Variants in DNMT1 observed in about 807,000 individuals in gnomAD.
The protein encoded by DNMT1 is DNA methyltransferase 1, also known as DNA (cytosine-5)-methyltransferase 1.
In DNMT1, 24 loss-of-function variants were observed where a neutral mutation model predicts 205.3. The ratio of observed to expected loss-of-function variants is 0.12; its 90% CI spans 0.08 to 0.16. DNMT1 has a LOEUF of 0.16. Ranked by LOEUF, DNMT1 falls within the 10% of genes least tolerant of loss-of-function variation. The probability of loss-of-function intolerance (pLI) is 1.00; values close to 1 mark genes in which losing one functional copy is unlikely to be tolerated. For synonymous variants in DNMT1, 817 were observed against 839.8 expected, an observed-to-expected ratio of 0.97 and a Z score of 0.47; for missense variants, 1,293 against 2,177.7, an observed-to-expected ratio of 0.59 and a Z score of 8.09.
At chr19:10,144,098 A>C in intron 28 of DNMT1, 111 bp from the exon 29 acceptor site, 8 of 1,097,964 alleles carry the variant, frequency 7.3e-6, no homozygotes, top group Non-Finnish European at 1.1e-5. Context: ...TGATGAATTA[A>C]GGTAGGTGTG....
chr19:10,138,677 C>A lies in DNMT1; in HGVS notation c.3949-72G>T. 1.3e-6 allele frequency: 2 copies of A among 1,542,168 alleles called. No homozygotes were observed. The highest frequency in any genetic ancestry group is 1.7e-6 in the Non-Finnish European group (2 of 1,148,656). ...CAACTGGACTGGCCAGACCCAGGCC[C>A]AGGGTCAGCAGCCTGAGTCGGGAGT... On this transcript the variant is annotated intron_variant, in intron 34 of 40. Coordinates refer to ENST00000359526, the MANE Select transcript of DNMT1 (RefSeq NM_001130823.3). This position sits in a 1 kb window ranked among gnomAD's most constrained non-coding sequence, Gnocchi z 4.1.
At chr19:10,144,226 G>T (rs569980956) in intron 28 of DNMT1, 2 of 502,516 alleles carry the variant, frequency 4.0e-6, no homozygotes, top group Non-Finnish European at 7.3e-6. Context: ...TGGCCAACAC[G>T]GTAAAACCCT....
chr19:10,194,799 G>A (rs766417524), intron 1 of DNMT1, 21 bp downstream of exon 1: 1 of 1,610,386 alleles, frequency 6.2e-7, no homozygotes, highest in Non-Finnish European at 8.5e-7. Flanking sequence ...CTGAGTCCGT[G>A]TTCCCCCCCA....
Position 10,155,001 on chromosome 19 carries a change from C to A in DNMT1, c.1548G>T (p.Gly516=). 1 of 1,614,070 alleles carries A rather than the reference C, an allele frequency of 6.2e-7. No individual in the cohort carries two copies. The highest frequency in any genetic ancestry group is 8.5e-7 in the Non-Finnish European group (1 of 1,180,034). The change falls in exon 20 of 41, where the codon GGG becomes GGT. Residue 516 remains glycine, a synonymous_variant. Transcript: ENST00000359526. ...TGATGTAGATCTTCTCCTGCATCAG[C>A]CCAAATATGGGCGCATACTCGGGAC... The part of the protein sequence containing the change: ...DPSPEYAPIF[G]LMQEKIYISK...
intron 6 of DNMT1, among the ~76,000 whole-genome samples, chr19:10,176,948 T>C (rs572883686): frequency 2.0e-5 from 3 of 152,086 alleles, no homozygotes; most frequent in Non-Finnish European, 4.4e-5. Flanking sequence ...TCTAGAAATA[T>C]ACTAAACTAT....
chr19:10,145,247 C>T (rs957124911), intron 28 of DNMT1, among the ~76,000 whole-genome samples: 6 of 152,206 alleles, frequency 3.9e-5, no homozygotes, highest in East Asian at 3.8e-4. Context: ...GCCCCAAAGG[C>T]GTCTCTGTGC....
chr19:10,156,622 T>G lies in DNMT1; in HGVS notation c.1281-113A>C. The G allele has an allele frequency of 3.9e-6, 3 of 775,518 alleles. No homozygotes were observed. Among genetic ancestry groups the G allele is most frequent in the Non-Finnish European group, 6.7e-6 (3 of 445,558 alleles). 48.0% of individuals were successfully genotyped at this position (775,518 alleles called of 1,614,324 possible). Reference sequence around the variant, plus strand: ...AGAATGTACAAGTCTGACACTCTTTTTTTGTTTGTTTTTGAGACAGAGTCT... The same window carrying G: ...AGAATGTACAAGTCTGACACTCTTTGTTTGTTTGTTTTTGAGACAGAGTCT... On this transcript the variant is annotated intron_variant, in intron 17 of 40. Coordinates refer to ENST00000359526, the MANE Select transcript of DNMT1 (RefSeq NM_001130823.3). The surrounding 1 kb of genome is among the most constrained non-coding windows in gnomAD (Gnocchi z 4.2).
At chr19:10,145,770 G>A (rs2038185481) in intron 28 of DNMT1, among the ~76,000 whole-genome samples, 1 of 152,218 alleles carries the variant, frequency 6.6e-6, no homozygotes, top group Admixed American at 6.5e-5. Context: ...CTTGGGCAGA[G>A]GCAGAACTTG....
At chr19:10,193,576 C>A (rs1170550210) in intron 1 of DNMT1, among the ~76,000 whole-genome samples, 8 of 150,514 alleles carry the variant, frequency 5.3e-5, no homozygotes, top group Non-Finnish European at 1.2e-4. Flanking sequence ...GTTGCCCAGG[C>A]TGGTCTCAAA....
Position 10,137,182 on chromosome 19 carries a change from G to A in DNMT1, c.4392C>T (p.Asp1464=), listed in dbSNP as rs200416276. The part of the protein sequence containing the change: ...DLPNIEVRLS[D]GTMARKLRYT... ...ACCGCAGCTTCCTGGCCATGGTGCC[G>A]TCTGAGAGCCGCACCTCGATGTTGG... The change falls in exon 37 of 41, where the codon GAC becomes GAT. Residue 1464 remains aspartate, a synonymous_variant. Coordinates refer to ENST00000359526, the MANE Select transcript of DNMT1 (RefSeq NM_001130823.3). The surrounding 1 kb of genome is among the most constrained non-coding windows in gnomAD (Gnocchi z 6.4). The A allele has an allele frequency of 1.7e-5, 27 of 1,610,148 alleles. No individual in the cohort carries two copies. Among genetic ancestry groups the A allele is most frequent in the African/African-American group, 1.1e-4 (8 of 75,040 alleles).
In DNMT1 at chr19:10,180,363, A is replaced by T; in HGVS notation, c.432T>A (p.Asp144Glu). 1 of 1,612,868 alleles carries T rather than the reference A, an allele frequency of 6.2e-7. No individual in the cohort carries two copies. The highest frequency in any genetic ancestry group is 8.5e-7 in the Non-Finnish European group (1 of 1,180,000). The change falls in exon 4 of 41, where the codon GAT becomes GAA. Residue 144 changes from aspartate (D) to glutamate (E), a missense_variant. By Grantham distance (45) the Asp-to-Glu change is conservative. This residue lies in a region of DNMT1 where 394 missense variants were observed against 451.6 expected (regional missense o/e 0.87). Coordinates refer to ENST00000359526, the MANE Select transcript of DNMT1 (RefSeq NM_001130823.3). ...ATCTGCTCTTACGCTTAGCCTCTCCATCGGACTTGCTCCTCCTGGGCGTGC... is the reference window on the plus strand; with the variant it reads ...ATCTGCTCTTACGCTTAGCCTCTCCTTCGGACTTGCTCCTCCTGGGCGTGC... ...KPRTPRRSKS[D>E]GEAKRSRDPP...
At position 10,140,892 on chromosome 19, in the gene DNMT1, A is replaced by G. The variant is rs768902636; in HGVS notation, c.3412T>C (p.Ser1138Pro). ...GGCTCGCTCGGCTCACAGGCTTGGGACTTGGGCTTGCCCTTCCCTGGGGGA... is the reference window on the plus strand; with the variant it reads ...GGCTCGCTCGGCTCACAGGCTTGGGGCTTGGGCTTGCCCTTCCCTGGGGGA... The part of the protein sequence containing the change: ...GKGKGKGKPK[S>P]QACEPSEPEI... The change falls in exon 32 of 41, where the codon TCC (serine) becomes CCC (proline). Residue 1138 changes from serine to proline, a missense_variant. Transcript: ENST00000359526. The surrounding 1 kb of genome is among the most constrained non-coding windows in gnomAD (Gnocchi z 8.4). 14 of 1,613,786 alleles carry G rather than the reference A, an allele frequency of 8.7e-6. No individual in the cohort carries two copies. The South Asian group carries it at 1.5e-4, about 18-fold the overall frequency.
In DNMT1 at chr19:10,135,865, G is replaced by A. The variant is rs528218010; in HGVS notation, c.4657-13C>T. 1.3e-6 allele frequency: 2 copies of A among 1,543,564 alleles called. No homozygotes were observed. The highest frequency in any genetic ancestry group is 2.4e-5 in the East Asian group (1 of 41,208). On this transcript the variant is annotated splice_polypyrimidine_tract_variant and intron_variant, in intron 38 of 40. Transcript: ENST00000359526. ...GGAGCACGCGGCCCTGGGGGAAAGA[G>A]GCGCGGTGGGCGAGGGCAGTAGCAC... is the stretch of plus-strand genomic sequence containing the variant.
chr19:10,142,274 G>A (rs1022554194), intron 29 of DNMT1, 54 bp from the exon 30 acceptor site: 1 of 1,611,536 alleles, frequency 6.2e-7, no homozygotes, highest in Non-Finnish European at 8.5e-7. Context: ...AGCTTATGCT[G>A]AATTAAACAG....
At chr19:10,148,384 A>T (rs6511612) in intron 27 of DNMT1, among the ~76,000 whole-genome samples, 106,005 of 149,652 alleles carry the variant, frequency 0.71, 38,131 homozygotes, top group East Asian at 0.88. Context: ...TAGTCCCAGC[A>T]ACTCAGGAGG....
At chr19:10,172,405 CAAAA>C (rs34495234) in intron 9 of DNMT1, among the ~76,000 whole-genome samples, 1 of 76,416 alleles carries the variant, frequency 1.3e-5, no homozygotes. Context: ...GACTCCATCT[CAAAA>C]AAAAAAAAAA....
At chr19:10,155,767 C>T (rs533224153) in intron 19 of DNMT1, 86 bp downstream of exon 19, 13 of 1,414,316 alleles carry the variant, frequency 9.2e-6, no homozygotes, top group Non-Finnish European at 1.3e-5. Context: ...CTGAGAATTC[C>T]CACCAGAGCC....
Position 10,141,147 on chromosome 19 carries a change from G to A in DNMT1, c.3352C>T (p.His1118Tyr), listed in dbSNP as rs374676749. 3.1e-5 allele frequency: 50 copies of A among 1,614,044 alleles called. 1 individual carries two copies. The South Asian group carries it at 4.6e-4, about 15-fold the overall frequency. The change falls in exon 31 of 41, where the codon CAT (histidine) becomes TAT (tyrosine). Residue 1118 changes from histidine to tyrosine, a missense_variant. Coordinates refer to ENST00000359526, the MANE Select transcript of DNMT1 (RefSeq NM_001130823.3). ...CCTTTGTTTCCAGGGCTACGGGCATGGTTGGGAGGATCTTCAAAGCTTTTG... is the reference window on the plus strand; with the variant it reads ...CCTTTGTTTCCAGGGCTACGGGCATAGTTGGGAGGATCTTCAAAGCTTTTG... The part of the protein sequence containing the change: ...KSKSFEDPPN[H>Y]ARSPGNKGKG...
At chr19:10,153,225 T>C (rs1439091317) in intron 22 of DNMT1, among the ~76,000 whole-genome samples, 2 of 152,080 alleles carry the variant, frequency 1.3e-5, no homozygotes, top group East Asian at 3.8e-4. Context: ...ACTGAAGAGG[T>C]GCCTATCATT....
Sources: allele counts gnomAD v4.1 joint callset (sites outside exome capture counted in the v4.1 genomes callset), GRCh38; gene constraint gnomAD v4.1.1; regional missense constraint gnomAD v4.1.1; non-coding constraint Gnocchi (gnomAD v3.1); transcripts MANE v1.5; gene names NCBI Gene and HGNC (gene_info 2026-07-23, HGNC 2026-07-21).